DDX10: variants seen among roughly 807,000 people sequenced by gnomAD.
DDX10 encodes the protein DEAD-box helicase 10.
Under a neutral mutation model 104.3 loss-of-function variants are expected in DDX10, and 74 were observed. The observed-to-expected ratio is 0.71, with a 90% CI of 0.59 to 0.86. DDX10 has a LOEUF of 0.86. Ranked by LOEUF, DDX10 falls within the 40% of genes least tolerant of loss-of-function variation. The probability of loss-of-function intolerance (pLI) is 0.00; values close to 1 mark genes in which losing one functional copy is unlikely to be tolerated. For missense variants in DDX10, 952 were observed against 1,040.0 expected, an observed-to-expected ratio of 0.92 and a Z score of 1.16; for synonymous variants, 351 against 353.4, an observed-to-expected ratio of 0.99 and a Z score of 0.08.
In DDX10 at chr11:108,861,254, G is replaced by A. The variant is rs867575993; in HGVS notation, c.2304+9045G>A. ...CCCAGATAAATTACCTGTTGTGACT[G>A]CCCTGGACGTGCCTGCCTACCAGAC... On this transcript the variant is annotated intron_variant, in intron 16 of 17. Transcript: ENST00000322536. 5.9e-5 allele frequency among the ~76,000 whole-genome samples: 9 copies of A among 152,122 alleles called. No individual in the cohort carries two copies. In the South Asian group the frequency reaches 8.3e-4, roughly 14 times the overall value.
At chr11:108,817,377 A>G (rs1862269881) in intron 13 of DDX10, among the ~76,000 whole-genome samples, 1 of 152,150 alleles carries the variant, frequency 6.6e-6, no homozygotes, top group African/African-American at 2.4e-5. Flanking sequence ...CCTTTGCACT[A>G]CTGTTTTCTC....
rs1187380279 is a variant in DDX10, at chr11:108,704,384, A to G, written c.1224-2355A>G. Among the ~76,000 whole-genome samples, 6 of 152,214 alleles carry G rather than the reference A, an allele frequency of 3.9e-5. No individual in the cohort carries two copies. The East Asian group carries it at 9.6e-4, about 24-fold the overall frequency. Reference sequence around the variant, plus strand: ...CTCTGTCCTTATGGTTCCAAACAGAATAAGCCTTTCTACTTCTGAAGGTAA... The same window carrying G: ...CTCTGTCCTTATGGTTCCAAACAGAGTAAGCCTTTCTACTTCTGAAGGTAA... On this transcript the variant is annotated intron_variant, in intron 9 of 17. Coordinates refer to ENST00000322536, the MANE Select transcript of DDX10 (RefSeq NM_004398.4).
intron 13 of DDX10, among the ~76,000 whole-genome samples, chr11:108,816,119 C>T (rs953710683): frequency 2.0e-5 from 3 of 152,084 alleles, no homozygotes; most frequent in African/African-American, 7.2e-5. Context: ...TTTGTTCCAG[C>T]TTTCACTGGT....
intron 13 of DDX10, among the ~76,000 whole-genome samples, chr11:108,788,072 C>T (rs1435506594): frequency 3.3e-5 from 5 of 152,208 alleles, no homozygotes; most frequent in Admixed American, 6.5e-5. Flanking sequence ...TGGGTTTCAA[C>T]TTTCTCCTGC....
chr11:108,820,715 C>T (rs559530868), intron 13 of DDX10, among the ~76,000 whole-genome samples: 1 of 152,258 alleles, frequency 6.6e-6, no homozygotes, highest in African/African-American at 2.4e-5. Flanking sequence ...TGGTTTCAGA[C>T]TCTTTTGCTG....
chr11:108,892,169 G>C (rs1054170668), intron 16 of DDX10, among the ~76,000 whole-genome samples: 1 of 152,150 alleles, frequency 6.6e-6, no homozygotes, highest in Non-Finnish European at 1.5e-5. Flanking sequence ...GGTCTTGGGA[G>C]TGGATCCCTC....
intron 17 of DDX10, among the ~76,000 whole-genome samples, chr11:108,924,656 C>A (rs148671692): frequency 3.9e-5 from 6 of 152,254 alleles, no homozygotes; most frequent in Admixed American, 2.6e-4. Flanking sequence ...AGATGAACTG[C>A]TTTAACCACT....
chr11:108,936,892 T>C (rs1384607781), intron 17 of DDX10, among the ~76,000 whole-genome samples: 1 of 152,226 alleles, frequency 6.6e-6, no homozygotes, highest in East Asian at 1.9e-4. Context: ...CAAGAAAGAT[T>C]GTGCCCATTC....
intron 13 of DDX10, among the ~76,000 whole-genome samples, chr11:108,820,929 G>A (rs1862318429): frequency 6.6e-6 from 1 of 152,208 alleles, no homozygotes; most frequent in African/African-American, 2.4e-5. Context: ...ATAAGTAACA[G>A]TAGAATGCAT....
chr11:108,718,780 G>A (rs894609926), intron 11 of DDX10, among the ~76,000 whole-genome samples: 1 of 152,184 alleles, frequency 6.6e-6, no homozygotes, highest in East Asian at 1.9e-4. Flanking sequence ...TTATAATCTG[G>A]ATAGAACAAA....
chr11:108,789,910 C>G (rs147269342), intron 13 of DDX10, among the ~76,000 whole-genome samples: 57 of 152,298 alleles, frequency 3.7e-4, no homozygotes, highest in African/African-American at 1.4e-3. Flanking sequence ...TCAGACTTGT[C>G]CCCTCTTGAT....
chr11:108,889,240 T>C (rs1304474335), intron 16 of DDX10, among the ~76,000 whole-genome samples: 1 of 152,178 alleles, frequency 6.6e-6, no homozygotes, highest in African/African-American at 2.4e-5. Context: ...TCATCTAAAA[T>C]TTTAATGTCC....
intron 13 of DDX10, among the ~76,000 whole-genome samples, chr11:108,753,661 T>G (rs2094341156): frequency 6.6e-6 from 1 of 152,006 alleles, no homozygotes; most frequent in Non-Finnish European, 1.5e-5. Flanking sequence ...GTTCTTGTGG[T>G]GTATTTTTGT....
At chr11:108,868,415 C>T (rs1863035762) in intron 16 of DDX10, 2 of 151,074 alleles carry the variant, frequency 1.3e-5, no homozygotes, top group South Asian at 2.1e-4. Context: ...GTAAGAAATA[C>T]ATTTTCCATC....
At chr11:108,850,981 C>T (rs1193295467) in intron 15 of DDX10, among the ~76,000 whole-genome samples, 1 of 152,150 alleles carries the variant, frequency 6.6e-6, no homozygotes, top group Non-Finnish European at 1.5e-5. Context: ...AAATGCATAG[C>T]ACATTGTTGA....
intron 6 of DDX10, among the ~76,000 whole-genome samples, chr11:108,682,660 C>T (rs1033067867): frequency 2.6e-5 from 4 of 152,132 alleles, no homozygotes; most frequent in African/African-American, 9.7e-5. Flanking sequence ...CCACGTGTAT[C>T]TTAAGCCCCA....
intron 16 of DDX10, among the ~76,000 whole-genome samples, chr11:108,852,553 A>G (rs1862808880): frequency 6.6e-6 from 1 of 152,170 alleles, no homozygotes; most frequent in Non-Finnish European, 1.5e-5. Context: ...GCCTGATAGG[A>G]TTTTCATCTG....
At chr11:108,669,847 A>G (rs2094214778) in intron 1 of DDX10, among the ~76,000 whole-genome samples, 1 of 152,186 alleles carries the variant, frequency 6.6e-6, no homozygotes, top group African/African-American at 2.4e-5. Flanking sequence ...CTTTAAAGAC[A>G]GAAGAGGGTC....
At chr11:108,758,835 G>A (rs968286915) in intron 13 of DDX10, among the ~76,000 whole-genome samples, 5 of 151,978 alleles carry the variant, frequency 3.3e-5, no homozygotes, top group Admixed American at 2.0e-4. Flanking sequence ...GCCTTAATTC[G>A]TTTTTGCCAT....
Sources: gnomAD v4.1 joint callset for allele counts (sites outside exome capture counted in the v4.1 genomes callset) on GRCh38, gnomAD v4.1.1 for gene constraint, MANE v1.5 for transcripts, NCBI Gene and HGNC (gene_info 2026-07-23, HGNC 2026-07-21) for gene names.